The following METTL24 variants were observed in gnomAD, a reference collection of about 807,000 sequenced individuals.
METTL24 encodes the protein probable methyltransferase-like protein 24.
A neutral mutation model predicts 32.7 loss-of-function variants in METTL24; 29 were observed. The ratio of observed to expected loss-of-function variants is 0.89; its 90% confidence interval spans 0.66 to 1.21. The LOEUF (loss-of-function observed/expected upper bound fraction) is 1.21, where lower values mean the gene tolerates loss of function less well. Among genes scored for constraint, METTL24 ranks in the 50% most tolerant of loss-of-function variants. The pLI is 0.00. For missense variants in METTL24, 439 were observed against 468.1 expected (o/e 0.94, Z 0.57); for synonymous variants, 163 against 179.5 (o/e 0.91, Z 0.73).
Position 110,245,862 on chromosome 6 carries a change from C to CTG in METTL24, c.*82_*83dup. ...AAGCAGGGCACAGGCTAGCAGGAGA[C>CTG]TGGATGAGTAAACTCATGATTAGAA... On this transcript the variant is annotated 3_prime_UTR_variant, in exon 5 of 5. Transcript: ENST00000338882. The CTG allele has an allele frequency of 1.5e-6, 2 of 1,355,028 alleles. No homozygotes were observed. Among genetic ancestry groups the CTG allele is most frequent in the Middle Eastern group, 1.9e-4 (1 of 5,294 alleles). The allele number at this position is 1,355,028 out of a possible 1,614,324, so 83.9% of individuals were successfully genotyped here. A position where few individuals can be genotyped will look rare whatever the true frequency, so the allele number is the denominator to read the frequency against.
chr6:110,348,317 AGT>A (rs1772521662), intron 1 of METTL24, among the ~76,000 whole-genome samples: 1 of 152,262 alleles, frequency 6.6e-6, no homozygotes, highest in Admixed American at 6.5e-5. Context: ...GCTGACTGCA[AGT>A]ATGAAAATAT....
At chr6:110,323,433 G>A (rs1463856210) in intron 1 of METTL24, among the ~76,000 whole-genome samples, 3 of 152,198 alleles carry the variant, frequency 2.0e-5, no homozygotes, top group East Asian at 1.9e-4. Flanking sequence ...CATCACCAGG[G>A]CTGGGGAGGG....
intron 1 of METTL24, among the ~76,000 whole-genome samples, chr6:110,342,547 C>T (rs533810631): frequency 2.2e-4 from 34 of 152,298 alleles, no homozygotes; most frequent in African/African-American, 7.0e-4. Context: ...TTTTGAAAAA[C>T]GGAGATATGA....
At position 110,250,845 on chromosome 6, in the gene METTL24, A is replaced by G. The variant is rs114464573; in HGVS notation, c.787-4585T>C. ...CATGCCTTGGTTCCTTCTCAGCCAC[A>G]TGATCAGGCCCAGTAGGGGCACTTT... On this transcript the variant is annotated intron_variant, in intron 4 of 4. Coordinates refer to ENST00000338882, the MANE Select transcript of METTL24 (RefSeq NM_001123364.3). 3.1e-3 allele frequency among the ~76,000 whole-genome samples: 468 copies of G among 152,296 alleles called. 4 individuals carry two copies. The highest frequency in any genetic ancestry group is 0.011 in the African/African-American group (451 of 41,566).
chr6:110,312,964 G>A (rs1771750878), intron 3 of METTL24, among the ~76,000 whole-genome samples: 1 of 152,222 alleles, frequency 6.6e-6, no homozygotes, highest in Non-Finnish European at 1.5e-5. Context: ...ATTCCCTCTA[G>A]AGATTTACAT....
rs549263597 is a variant in METTL24, at chr6:110,244,040, C to T, written c.*1906G>A. Among the ~76,000 whole-genome samples, 113 of 152,274 alleles carry T rather than the reference C, an allele frequency of 7.4e-4. No individual in the cohort carries two copies. Among genetic ancestry groups the T allele is most frequent in the Middle Eastern group, 3.4e-3 (1 of 294 alleles). The stretch of plus-strand genomic sequence containing the variant: ...AGAGAGCATTTGAACCGCTGAGAAC[C>T]TAAACTTTCCACTTAACTTTTAATG... On this transcript the variant is annotated 3_prime_UTR_variant, in exon 5 of 5. Coordinates refer to ENST00000338882, the MANE Select transcript of METTL24 (RefSeq NM_001123364.3).
intron 4 of METTL24, among the ~76,000 whole-genome samples, chr6:110,297,088 C>A (rs992250094): frequency 6.6e-6 from 1 of 152,198 alleles, no homozygotes; most frequent in African/African-American, 2.4e-5. Flanking sequence ...GGAGCAAATG[C>A]ATTCCTGGCA....
intron 4 of METTL24, among the ~76,000 whole-genome samples, chr6:110,261,842 T>G (rs1012359436): frequency 7.2e-5 from 11 of 152,010 alleles, no homozygotes; most frequent in Admixed American, 3.3e-4. Context: ...ACATGGAAAC[T>G]CAACAACCTG....
intron 4 of METTL24, among the ~76,000 whole-genome samples, chr6:110,247,513 C>T (rs1356511011): frequency 6.6e-6 from 1 of 152,116 alleles, no homozygotes; most frequent in Non-Finnish European, 1.5e-5. Context: ...ATCAATATTG[C>T]CACTTTACAT....
At chr6:110,351,206 A>C (rs1182034654) in intron 1 of METTL24, among the ~76,000 whole-genome samples, 1 of 152,206 alleles carries the variant, frequency 6.6e-6, no homozygotes, top group Non-Finnish European at 1.5e-5. Flanking sequence ...GTCTCTAAAA[A>C]AATAAACAAA....
intron 1 of METTL24, among the ~76,000 whole-genome samples, chr6:110,344,475 T>C (rs1166111525): frequency 6.6e-6 from 1 of 151,888 alleles, no homozygotes; most frequent in Non-Finnish European, 1.5e-5. Flanking sequence ...AGAAGCAAAA[T>C]CAAGAATATT....
chr6:110,314,824 G>A (rs1771788327), intron 3 of METTL24, among the ~76,000 whole-genome samples: 1 of 152,066 alleles, frequency 6.6e-6, no homozygotes, highest in Non-Finnish European at 1.5e-5. Flanking sequence ...TTAGCCGGGT[G>A]TGGTGGGTGC....
chr6:110,259,996 A>G (rs1778461784), intron 4 of METTL24, among the ~76,000 whole-genome samples: 1 of 152,230 alleles, frequency 6.6e-6, no homozygotes, highest in East Asian at 1.9e-4. Flanking sequence ...AAAGGTAGAT[A>G]AAACCACAAA....
At chr6:110,314,594 C>A (rs1771784178) in intron 3 of METTL24, among the ~76,000 whole-genome samples, 1 of 152,100 alleles carries the variant, frequency 6.6e-6, no homozygotes, top group African/African-American at 2.4e-5. Context: ...ATAGATTTAT[C>A]ATTGGTATAA....
intron 4 of METTL24, among the ~76,000 whole-genome samples, chr6:110,270,298 G>T (rs1770932265): frequency 6.6e-6 from 1 of 151,736 alleles, no homozygotes; most frequent in Admixed American, 6.6e-5. Flanking sequence ...TTCCTTAAAG[G>T]AATTGCTGAT....
At chr6:110,297,356 A>C (rs1199351805) in intron 4 of METTL24, among the ~76,000 whole-genome samples, 2 of 152,232 alleles carry the variant, frequency 1.3e-5, no homozygotes. Flanking sequence ...ACTTTTTCAA[A>C]GTCTTATTTT....
intron 4 of METTL24, among the ~76,000 whole-genome samples, chr6:110,296,322 G>GA (rs1582407826): frequency 6.6e-6 from 1 of 152,174 alleles, no homozygotes; most frequent in Non-Finnish European, 1.5e-5. Context: ...GTTGCATTCT[G>GA]AAAAAACTGT....
intron 4 of METTL24, among the ~76,000 whole-genome samples, chr6:110,246,734 ACT>A (rs965185125): frequency 2.0e-5 from 3 of 152,076 alleles, no homozygotes; most frequent in African/African-American, 7.2e-5. Flanking sequence ...ACCCCAGGAA[ACT>A]CTGCCAAGTC....
intron 4 of METTL24, among the ~76,000 whole-genome samples, chr6:110,286,209 G>A (rs9487342): frequency 6.3e-4 from 96 of 152,076 alleles, no homozygotes; most frequent in Admixed American, 5.8e-3. Flanking sequence ...CCTGACCCCC[G>A]TCTTGTTTCA....
Sources: gnomAD v4.1 joint callset for allele counts (sites outside exome capture counted in the v4.1 genomes callset) on GRCh38, gnomAD v4.1.1 for gene constraint, MANE v1.5 for transcripts, NCBI Gene and HGNC (gene_info 2026-07-23, HGNC 2026-07-21) for gene names.